Variants in FXR2 observed in about 807,000 individuals in gnomAD.
FXR2 encodes RNA-binding protein FXR2.
Under a neutral mutation model 87.3 loss-of-function variants are expected in FXR2, and 9 were observed. The ratio of observed to expected loss-of-function variants is 0.10; its 90% confidence interval spans 0.06 to 0.18. The LOEUF (loss-of-function observed/expected upper bound fraction) is 0.18, where lower values mean the gene tolerates loss of function less well. FXR2 is among the 10% of genes least tolerant of loss of function. The pLI is 1.00. For missense variants in FXR2, 661 were observed against 893.6 expected (o/e 0.74, Z 3.32); for synonymous variants, 331 against 328.3 (o/e 1.01, Z -0.09).
At position 7,594,503 on chromosome 17, in the gene FXR2, T is replaced by C. The variant is rs542409890; in HGVS notation, c.911-156A>G. ...TCTGATGTGTTTTTACAGGACAAAA[T>C]GTTACAATCCCTAGAAATTTATTCT... On this transcript the variant is annotated intron_variant, in intron 9 of 16. Coordinates refer to ENST00000250113, the MANE Select transcript of FXR2 (RefSeq NM_004860.4). The surrounding 1 kb of genome is among the most constrained non-coding windows in gnomAD (Gnocchi z 5.1). The C allele has an allele frequency of 1.5e-6, 1 of 667,492 alleles. No homozygotes were observed. Among genetic ancestry groups the C allele is most frequent in the South Asian group, 1.9e-5 (1 of 53,110 alleles). 41.3% of individuals were successfully genotyped at this position (667,492 alleles called of 1,614,324 possible). A position where few individuals can be genotyped will look rare whatever the true frequency, so the allele number is the denominator to read the frequency against.
At position 7,592,092 on chromosome 17, in the gene FXR2, C is replaced by A. The variant is rs1266287490; in HGVS notation, c.1926+162G>T. 7 of 1,455,890 alleles carry A rather than the reference C, an allele frequency of 4.8e-6. No individual in the cohort carries two copies. The highest frequency in any genetic ancestry group is 6.4e-6 in the Non-Finnish European group (7 of 1,101,412). The allele number at this position is 1,455,890 out of a possible 1,614,324, so 90.2% of individuals were successfully genotyped here. A position where few individuals can be genotyped will look rare whatever the true frequency, so the allele number is the denominator to read the frequency against. On this transcript the variant is annotated intron_variant, in intron 16 of 16. Transcript: ENST00000250113. This position sits in a 1 kb window ranked among gnomAD's most constrained non-coding sequence, Gnocchi z 4.8. ...TTACTTGGGATCCAGAAAATGTGAA[C>A]CACACTTTCTTCTCTATCCTATTCA...
chr17:7,593,804 T>G lies in FXR2; in HGVS notation c.1107+114A>C, dbSNP rs946671908. 2.0e-5 allele frequency: 17 copies of G among 835,360 alleles called. No individual in the cohort carries two copies. The African/African-American group carries it at 2.7e-4, about 13-fold the overall frequency. The allele number at this position is 835,360 out of a possible 1,614,324, so 51.7% of individuals were successfully genotyped here. Reference sequence around the variant, plus strand: ...CCCTATAGCCCCAAATTTCCACAGATGTTTTCTGTTCTACACGGAGAGACA... The same window carrying G: ...CCCTATAGCCCCAAATTTCCACAGAGGTTTTCTGTTCTACACGGAGAGACA... On this transcript the variant is annotated intron_variant, in intron 11 of 16. Coordinates refer to ENST00000250113, the MANE Select transcript of FXR2 (RefSeq NM_004860.4). The surrounding 1 kb of genome is among the most constrained non-coding windows in gnomAD (Gnocchi z 6.1).
At chr17:7,610,697 T>C (rs749491402) in intron 1 of FXR2, among the ~76,000 whole-genome samples, 7 of 152,204 alleles carry the variant, frequency 4.6e-5, no homozygotes, top group African/African-American at 7.2e-5. Flanking sequence ...GTGGTGGAAG[T>C]GAGCCCCAAG....
chr17:7,609,987 T>TGTATATGTATACATATAC (rs1567753962), intron 1 of FXR2, among the ~76,000 whole-genome samples: 14 of 122,874 alleles, frequency 1.1e-4, no homozygotes, highest in Non-Finnish European at 2.2e-4. Flanking sequence ...TACATATATA[T>TGTATATGTATACATATAC]ATACATGTAT....
intron 7 of FXR2, among the ~76,000 whole-genome samples, chr17:7,601,166 G>A (rs556185689): frequency 1.3e-4 from 20 of 148,448 alleles, no homozygotes; most frequent in African/African-American, 5.0e-4. Flanking sequence ...GCGACACAGC[G>A]AGACTCTGTC....
In FXR2 at chr17:7,604,073, G is replaced by A; in HGVS notation, c.236C>T (p.Ser79Phe). 6.4e-7 allele frequency: 1 copy of A among 1,568,940 alleles called. No homozygotes were observed. The highest frequency in any genetic ancestry group is 8.6e-7 in the Non-Finnish European group (1 of 1,156,972). The change falls in exon 4 of 17, where the codon TCT (serine) becomes TTT (phenylalanine). Residue 79 changes from serine (S) to phenylalanine (F), a missense_variant. Physicochemically the swap from Ser to Phe is radical, Grantham distance 155. This residue lies in a region of FXR2 where 170 missense variants were observed against 247.2 expected (regional missense o/e 0.69). Coordinates refer to ENST00000250113, the MANE Select transcript of FXR2 (RefSeq NM_004860.4). ...ACAAGGTTCCTGTTCATTGGCTCGA[G>A]AATAAACCTAAAGAAAAGTAGAGAA... ...ITEGDEVEVY[S>F]RANEQEPCGW...
Position 7,601,181 on chromosome 17 carries a change from A to C in FXR2, c.660+228T>G, listed in dbSNP as rs74368189. Among the ~76,000 whole-genome samples, 977 of 134,078 alleles carry C rather than the reference A, an allele frequency of 7.3e-3. 8 individuals carry two copies. The highest frequency in any genetic ancestry group is 0.026 in the African/African-American group (900 of 34,514). The allele number at this position is 134,078 out of a possible 152,430, so 88.0% of individuals were successfully genotyped here. Reference sequence around the variant, plus strand: ...GCGACACAGCGAGACTCTGTCTCCCAAAAAAAAAAAAAAAAAATTGGCTAA... The same window carrying C: ...GCGACACAGCGAGACTCTGTCTCCCCAAAAAAAAAAAAAAAAATTGGCTAA... On this transcript the variant is annotated intron_variant, in intron 7 of 16. Coordinates refer to ENST00000250113, the MANE Select transcript of FXR2 (RefSeq NM_004860.4).
In FXR2 at chr17:7,593,915, T is replaced by C; in HGVS notation, c.1107+3A>G. ...CAGCATTTTTCTCTCCCGGCCTGGG[T>C]ACCTGCAGGTAGGAGAGGTGATACT... On this transcript the variant is annotated splice_donor_region_variant and intron_variant, in intron 11 of 16. Coordinates refer to ENST00000250113, the MANE Select transcript of FXR2 (RefSeq NM_004860.4). The surrounding 1 kb of genome is among the most constrained non-coding windows in gnomAD (Gnocchi z 6.1). 3.2e-6 allele frequency: 5 copies of C among 1,582,992 alleles called. No individual in the cohort carries two copies. The highest frequency in any genetic ancestry group is 4.3e-6 in the Non-Finnish European group (5 of 1,151,732).
In FXR2 at chr17:7,591,963, A is replaced by G. The variant is rs778672696; in HGVS notation, c.1927-38T>C. 2 of 1,324,370 alleles carry G rather than the reference A, an allele frequency of 1.5e-6. No individual in the cohort carries two copies. The highest frequency in any genetic ancestry group is 2.1e-6 in the Non-Finnish European group (2 of 930,854). The allele number at this position is 1,324,370 out of a possible 1,614,324, so 82.0% of individuals were successfully genotyped here. ...TGGGAAAGAAAACAGAAAAGCAAGA[A>G]GCGGTGAGTAGAAATTCAGGTGGGA... On this transcript the variant is annotated intron_variant, in intron 16 of 16. Transcript: ENST00000250113. This position sits in a 1 kb window ranked among gnomAD's most constrained non-coding sequence, Gnocchi z 4.0.
In FXR2 at chr17:7,591,573, G is replaced by T. The variant is rs2071660614; in HGVS notation, c.*257C>A. ...TCAGAGAGAGATTGGGGCATTAGAG[G>T]ATAAAGGCACATCCAGTCTGATGGG... On this transcript the variant is annotated 3_prime_UTR_variant, in exon 17 of 17. Coordinates refer to ENST00000250113, the MANE Select transcript of FXR2 (RefSeq NM_004860.4). This position sits in a 1 kb window ranked among gnomAD's most constrained non-coding sequence, Gnocchi z 4.0. 2.0e-6 allele frequency: 1 copy of T among 489,640 alleles called. No individual in the cohort carries two copies. Among genetic ancestry groups the T allele is most frequent in the Non-Finnish European group, 3.7e-6 (1 of 267,034 alleles). 30.3% of individuals were successfully genotyped at this position (489,640 alleles called of 1,614,324 possible).
Position 7,591,884 on chromosome 17 carries a change from A to G in FXR2, c.1968T>C (p.Asn656=), listed in dbSNP as rs750498761. The G allele has an allele frequency of 3.1e-6, 5 of 1,607,252 alleles. No individual in the cohort carries two copies. The highest frequency in any genetic ancestry group is 4.3e-6 in the Non-Finnish European group (5 of 1,173,956). The change falls in exon 17 of 17, where the codon AAT becomes AAC. Residue 656 remains asparagine (N), a synonymous_variant. Transcript: ENST00000250113. This position sits in a 1 kb window ranked among gnomAD's most constrained non-coding sequence, Gnocchi z 4.0. ...VSKLPKGPSE[N]GELSAPLELG... ...ACTCCAAGGGGGCGGAGAGCTCCCC[A>G]TTCTCCGAGGGGCCCTTAGGAAGCT...
chr17:7,599,281 T>A (rs1033736196), intron 7 of FXR2, among the ~76,000 whole-genome samples: 1 of 151,974 alleles, frequency 6.6e-6, no homozygotes, highest in Non-Finnish European at 1.5e-5. Context: ...CCAGCCTGGA[T>A]AACAGACTGA....
chr17:7,607,437 C>G (rs1027923071), intron 1 of FXR2, among the ~76,000 whole-genome samples: 1 of 151,742 alleles, frequency 6.6e-6, no homozygotes, highest in Admixed American at 6.6e-5. Flanking sequence ...ATCTATAATC[C>G]TTTATTTTTA....
rs548831270 is a variant in FXR2 at position 7,593,055 on chromosome 17, C to G, written c.1457G>C (p.Gly486Ala). 22 of 1,584,938 alleles carry G rather than the reference C, an allele frequency of 1.4e-5. No homozygotes were observed. The Admixed American group carries it at 4.0e-4, about 29-fold the overall frequency. Residue 486 changes from glycine to alanine, a missense_variant, in exon 13 of 17, where the codon GGG (glycine) becomes GCG (alanine). By Grantham distance (60) the Gly-to-Ala change is moderately conservative. Around this residue, in one of 3 missense-constraint regions of FXR2, gnomAD observed 409 missense variants for 432.0 expected, o/e 0.95. Coordinates refer to ENST00000250113, the MANE Select transcript of FXR2 (RefSeq NM_004860.4). This position sits in a 1 kb window ranked among gnomAD's most constrained non-coding sequence, Gnocchi z 6.1. ...RGEESRRRPTGGRGRGPPPAP... is the reference protein window; with the variant it reads ...RGEESRRRPTAGRGRGPPPAP... Reference sequence around the variant, plus strand: ...AGGTGGGGGTCCCCTACCCCGGCCCCCAGTCGGCCGCCTCCGGCTTTCTTC... The same window carrying G: ...AGGTGGGGGTCCCCTACCCCGGCCCGCAGTCGGCCGCCTCCGGCTTTCTTC...
At chr17:7,600,011 C>T (rs1377078694) in intron 7 of FXR2, among the ~76,000 whole-genome samples, 1 of 151,924 alleles carries the variant, frequency 6.6e-6, no homozygotes, top group Non-Finnish European at 1.5e-5. Context: ...GATTCTCCTG[C>T]CTCAGCCTCC....
chr17:7,604,741 G>T (rs1170366708), intron 3 of FXR2, among the ~76,000 whole-genome samples: 5 of 138,330 alleles, frequency 3.6e-5, no homozygotes, highest in Non-Finnish European at 7.8e-5. Flanking sequence ...TTTTTTTTGA[G>T]ACAGAGTTTC....
At chr17:7,606,611 C>T (rs2071805159) in intron 1 of FXR2, among the ~76,000 whole-genome samples, 1 of 152,164 alleles carries the variant, frequency 6.6e-6, no homozygotes, top group South Asian at 2.1e-4. Flanking sequence ...TGAGCAGACT[C>T]GCTGCCCTGA....
chr17:7,608,853 T>G (rs2071826235), intron 1 of FXR2, among the ~76,000 whole-genome samples: 1 of 152,198 alleles, frequency 6.6e-6, no homozygotes, highest in Non-Finnish European at 1.5e-5. Context: ...ACTTTAAATA[T>G]GTCTACTTTG....
chr17:7,605,527 A>G (rs772746940), intron 3 of FXR2, 118 bp downstream of exon 3: 2 of 615,582 alleles, frequency 3.2e-6, no homozygotes, highest in Non-Finnish European at 5.9e-6. Context: ...TTACATTTCC[A>G]TAGGCTACAT....
Sources: allele counts gnomAD v4.1 joint callset (sites outside exome capture counted in the v4.1 genomes callset), GRCh38; gene constraint gnomAD v4.1.1; regional missense constraint gnomAD v4.1.1; non-coding constraint Gnocchi (gnomAD v3.1); transcripts MANE v1.5; gene names NCBI Gene and HGNC (gene_info 2026-07-23, HGNC 2026-07-21).